The following INSYN2B variants were observed in gnomAD, a reference collection of about 807,000 sequenced individuals.
The protein encoded by INSYN2B is protein INSYN2B.
A neutral mutation model predicts 41.2 loss-of-function variants in INSYN2B; 16 were observed. The observed-to-expected ratio is 0.39, with a 90% CI of 0.26 to 0.59. The LOEUF (loss-of-function observed/expected upper bound fraction) is 0.59. Among genes scored for constraint, INSYN2B ranks in the 20% least tolerant of loss-of-function variants. The pLI is 0.57. For synonymous variants in INSYN2B, 245 were observed against 244.4 expected, an observed-to-expected ratio of 1.00 and a Z score of -0.02; for missense variants, 608 against 646.4, an observed-to-expected ratio of 0.94 and a Z score of 0.64.
chr5:169,948,613 AT>A (rs772095719), intron 1 of INSYN2B, among the ~76,000 whole-genome samples: 966 of 135,668 alleles, frequency 7.1e-3, no homozygotes, highest in Non-Finnish European at 8.9e-3. Context: ...TCCACAATTA[AT>A]TTTTTTTTTT....
intron 1 of INSYN2B, among the ~76,000 whole-genome samples, chr5:169,921,982 A>G (rs982183862): frequency 3.9e-5 from 6 of 152,228 alleles, no homozygotes; most frequent in African/African-American, 1.2e-4. Flanking sequence ...ATCTGTGTCT[A>G]TCAGAATCCC....
At chr5:169,915,755 G>A (rs1339508802) in intron 1 of INSYN2B, among the ~76,000 whole-genome samples, 1 of 152,146 alleles carries the variant, frequency 6.6e-6, no homozygotes, top group Non-Finnish European at 1.5e-5. Flanking sequence ...GGGCCAATGA[G>A]CAAAGTGTTT....
rs79232292 is a variant in INSYN2B at position 169,950,526 on chromosome 5, C to T, written c.-919+29751G>A. Reference sequence around the variant, plus strand: ...AGTTTTGGGCCACACAACATGGCCCCTCTCTTGTAGCAAAGAAGTCATTCT... The same window carrying T: ...AGTTTTGGGCCACACAACATGGCCCTTCTCTTGTAGCAAAGAAGTCATTCT... On this transcript the variant is annotated intron_variant, in intron 1 of 3. Transcript: ENST00000377365. Among the ~76,000 whole-genome samples the T allele has an allele frequency of 8.0e-3, 1,215 of 152,290 alleles. 62 individuals are homozygous for T. In the East Asian group the frequency reaches 0.13, roughly 17 times the overall value.
At chr5:169,926,605 A>G (rs1412519244) in intron 1 of INSYN2B, among the ~76,000 whole-genome samples, 2 of 152,226 alleles carry the variant, frequency 1.3e-5, no homozygotes, top group African/African-American at 4.8e-5. Flanking sequence ...AGGACAGAAT[A>G]GGGTTTAAGC....
chr5:169,915,366 G>A (rs1414429847), intron 1 of INSYN2B, among the ~76,000 whole-genome samples: 2 of 151,968 alleles, frequency 1.3e-5, no homozygotes, highest in African/African-American at 4.8e-5. Flanking sequence ...TTAATTGCAG[G>A]CTTATTGTGT....
chr5:169,946,055 C>T (rs1212683961), intron 1 of INSYN2B, among the ~76,000 whole-genome samples: 2 of 152,186 alleles, frequency 1.3e-5, no homozygotes, highest in Non-Finnish European at 1.5e-5. Context: ...GAGCAAAGCT[C>T]CTCAGAGCCA....
intron 1 of INSYN2B, among the ~76,000 whole-genome samples, chr5:169,962,110 C>T (rs137959574): frequency 4.2e-4 from 64 of 152,048 alleles, no homozygotes; most frequent in East Asian, 7.7e-4. Flanking sequence ...AAGGGCTTCA[C>T]GCTTTATTGT....
At chr5:169,908,029 A>G (rs776363490) in intron 1 of INSYN2B, among the ~76,000 whole-genome samples, 4 of 152,186 alleles carry the variant, frequency 2.6e-5, no homozygotes, top group Non-Finnish European at 5.9e-5. Flanking sequence ...GCCTTCATCT[A>G]GAAGCTGTGA....
intron 3 of INSYN2B, among the ~76,000 whole-genome samples, chr5:169,871,292 C>G (rs1397835114): frequency 1.3e-5 from 2 of 152,190 alleles, no homozygotes; most frequent in Non-Finnish European, 2.9e-5. Context: ...GGACCTAACT[C>G]TTTCCAGCAT....
intron 1 of INSYN2B, among the ~76,000 whole-genome samples, chr5:169,969,933 T>G (rs1777439494): frequency 6.6e-6 from 1 of 152,266 alleles, no homozygotes; most frequent in Non-Finnish European, 1.5e-5. Context: ...TTCTTCTGGT[T>G]TTTAATTGTT....
At chr5:169,889,622 G>A (rs1317174527) in intron 1 of INSYN2B, among the ~76,000 whole-genome samples, 1 of 152,216 alleles carries the variant, frequency 6.6e-6, no homozygotes, top group African/African-American at 2.4e-5. Context: ...TACGCCAGGA[G>A]TCAGCAAGTT....
intron 1 of INSYN2B, among the ~76,000 whole-genome samples, chr5:169,911,467 G>T (rs1033429751): frequency 6.6e-6 from 1 of 152,154 alleles, no homozygotes; most frequent in Non-Finnish European, 1.5e-5. Context: ...TGTCCAGACT[G>T]GGGATGTTTA....
intron 1 of INSYN2B, among the ~76,000 whole-genome samples, chr5:169,908,693 A>C (rs1451515557): frequency 6.9e-6 from 1 of 144,456 alleles, no homozygotes; most frequent in South Asian, 2.2e-4. Context: ...GTTTCAATGC[A>C]TTTTTCTCTT....
chr5:169,976,677 A>G (rs1295475287), intron 1 of INSYN2B, among the ~76,000 whole-genome samples: 1 of 152,196 alleles, frequency 6.6e-6, no homozygotes, highest in Non-Finnish European at 1.5e-5. Context: ...GTTTCAAATG[A>G]AGAGTGTGTA....
chr5:169,972,740 CTGAT>C (rs970352789), intron 1 of INSYN2B, among the ~76,000 whole-genome samples: 6 of 152,256 alleles, frequency 3.9e-5, no homozygotes, highest in African/African-American at 1.4e-4. Flanking sequence ...TATTTGATAA[CTGAT>C]TGATTGATTG....
intron 1 of INSYN2B, among the ~76,000 whole-genome samples, chr5:169,912,913 A>C (rs1041642750): frequency 2.0e-5 from 3 of 151,994 alleles, no homozygotes; most frequent in Admixed American, 6.6e-5. Context: ...TTCCTTGTCT[A>C]GAAGTAACAT....
At chr5:169,934,807 A>G (rs778392016) in intron 1 of INSYN2B, 21 of 440,296 alleles carry the variant, frequency 4.8e-5, no homozygotes, top group Non-Finnish European at 9.2e-5. Context: ...TATTATCTGT[A>G]TGATAAATTG....
In INSYN2B at chr5:169,972,779, A is replaced by T. The variant is rs61238764; in HGVS notation, c.-919+7498T>A. ...GGGAGTGAGGACTGAGGAATTGTCTAGGAAGCGGGAAAAATGTTCTCCAAT... is the reference window on the plus strand; with the variant it reads ...GGGAGTGAGGACTGAGGAATTGTCTTGGAAGCGGGAAAAATGTTCTCCAAT... On this transcript the variant is annotated intron_variant, in intron 1 of 3. Transcript: ENST00000377365. 2.1e-3 allele frequency among the ~76,000 whole-genome samples: 322 copies of T among 152,338 alleles called. 2 individuals are homozygous for T. The highest frequency in any genetic ancestry group is 7.3e-3 in the African/African-American group (303 of 41,580).
chr5:169,972,542 CAGATAGATAGATAGATAGATAGAT>C (rs143089504), intron 1 of INSYN2B, among the ~76,000 whole-genome samples: 1 of 141,330 alleles, frequency 7.1e-6, no homozygotes, highest in Non-Finnish European at 1.5e-5. Flanking sequence ...CACTGTGAGA[CAGATAGATAGATAGATAGATAGAT>C]AGATAGATAG....
Sources: gnomAD v4.1 joint callset for allele counts (sites outside exome capture counted in the v4.1 genomes callset) on GRCh38, gnomAD v4.1.1 for gene constraint, MANE v1.5 for transcripts, NCBI Gene and HGNC (gene_info 2026-07-23, HGNC 2026-07-21) for gene names.